ADARB2: variants seen among roughly 807,000 people sequenced by gnomAD.
The protein encoded by ADARB2 is inactive double-stranded RNA-specific editase B2.
A neutral mutation model predicts 62.2 loss-of-function variants in ADARB2; 25 were observed. The observed-to-expected ratio is 0.40, with a 90% CI of 0.29 to 0.56. The LOEUF (loss-of-function observed/expected upper bound fraction) is 0.56. Among genes scored for constraint, ADARB2 ranks in the 20% least tolerant of loss-of-function variants. ADARB2 has a pLI of 0.43. For missense variants in ADARB2, 1,071 were observed against 1,077.4 expected (o/e 0.99, Z 0.08); for synonymous variants, 572 against 500.8 (o/e 1.14, Z -1.90).
intron 3 of ADARB2, among the ~76,000 whole-genome samples, chr10:1,348,252 A>C (rs1832099553): frequency 6.6e-6 from 1 of 152,158 alleles, no homozygotes; most frequent in African/African-American, 2.4e-5. Context: ...AAACTGTCTG[A>C]TGTCTCTAAA....
intron 1 of ADARB2, among the ~76,000 whole-genome samples, chr10:1,469,657 A>C (rs1831297116): frequency 6.6e-6 from 1 of 152,218 alleles, no homozygotes; most frequent in African/African-American, 2.4e-5. Context: ...AGGAGAGAAC[A>C]AAAAAGAAAA....
chr10:1,539,024 T>C (rs1832373409), intron 1 of ADARB2, among the ~76,000 whole-genome samples: 1 of 152,120 alleles, frequency 6.6e-6, no homozygotes, highest in African/African-American at 2.4e-5. Context: ...CCTGCCTGGC[T>C]CCACACAGCA....
chr10:1,446,168 T>C (rs1830966473), intron 1 of ADARB2, among the ~76,000 whole-genome samples: 1 of 152,254 alleles, frequency 6.6e-6, no homozygotes, highest in Non-Finnish European at 1.5e-5. Flanking sequence ...TTCCACTTTC[T>C]GGACAAAATT....
chr10:1,258,329 G>A (rs1455106669), intron 4 of ADARB2, among the ~76,000 whole-genome samples: 1 of 152,092 alleles, frequency 6.6e-6, no homozygotes, highest in Non-Finnish European at 1.5e-5. Flanking sequence ...AAATGTAAAT[G>A]GGCTAAATGC....
chr10:1,276,358 G>T (rs1314396304), intron 3 of ADARB2, among the ~76,000 whole-genome samples: 3 of 151,778 alleles, frequency 2.0e-5, no homozygotes, highest in Admixed American at 6.6e-5. Flanking sequence ...GGGGCTGTTT[G>T]TTTTTTTTCT....
At chr10:1,567,401 G>T (rs1832873082) in intron 1 of ADARB2, among the ~76,000 whole-genome samples, 1 of 152,204 alleles carries the variant, frequency 6.6e-6, no homozygotes, top group Admixed American at 6.5e-5. Flanking sequence ...GTGGGTGTTG[G>T]CTTTAGCATG....
At chr10:1,559,560 C>T (rs779302372) in intron 1 of ADARB2, among the ~76,000 whole-genome samples, 17 of 152,104 alleles carry the variant, frequency 1.1e-4, no homozygotes, top group Non-Finnish European at 1.2e-4. Flanking sequence ...GGGATGGGTG[C>T]TGACAAGCAG....
At chr10:1,417,459 T>C (rs1419917026) in intron 1 of ADARB2, among the ~76,000 whole-genome samples, 1 of 152,168 alleles carries the variant, frequency 6.6e-6, no homozygotes, top group African/African-American at 2.4e-5. Flanking sequence ...ATTAATTATC[T>C]TACTGACTCA....
chr10:1,279,329 ATT>A (rs774437415), intron 3 of ADARB2, among the ~76,000 whole-genome samples: 3 of 152,062 alleles, frequency 2.0e-5, no homozygotes, highest in Non-Finnish European at 2.9e-5. Context: ...TGTCTGTTTG[ATT>A]TTGAGACATA....
intron 1 of ADARB2, among the ~76,000 whole-genome samples, chr10:1,560,825 G>A (rs1246764379): frequency 6.6e-6 from 1 of 152,212 alleles, no homozygotes; most frequent in African/African-American, 2.4e-5. Flanking sequence ...GTTGCAGGGA[G>A]TTTGAAGACC....
intron 3 of ADARB2, among the ~76,000 whole-genome samples, chr10:1,355,930 A>G (rs2131846531): frequency 6.6e-6 from 1 of 152,336 alleles, no homozygotes; most frequent in Middle Eastern, 3.4e-3. Context: ...CATACATTGT[A>G]TATACATTGT....
In ADARB2 at chr10:1,318,456, C is replaced by T. The variant is rs1831761896; in HGVS notation, c.1077+44572G>A. ...GGAAAGCCAGACCATTTGCTAGAAA[C>T]AAGCAGTACCATTTGCACTCCTGGT... On this transcript the variant is annotated intron_variant, in intron 3 of 9. Coordinates refer to ENST00000381312, the MANE Select transcript of ADARB2 (RefSeq NM_018702.4). Among the ~76,000 whole-genome samples, 3 of 152,178 alleles carry T rather than the reference C, an allele frequency of 2.0e-5. No homozygotes were observed. In the South Asian group the frequency reaches 6.2e-4, roughly 31 times the overall value.
chr10:1,459,303 G>A (rs1033145816), intron 1 of ADARB2, among the ~76,000 whole-genome samples: 2 of 152,162 alleles, frequency 1.3e-5, no homozygotes, highest in South Asian at 2.1e-4. Flanking sequence ...GACTGGATAC[G>A]GAACATGTGG....
At chr10:1,550,693 T>G (rs1286839728) in intron 1 of ADARB2, among the ~76,000 whole-genome samples, 2 of 152,112 alleles carry the variant, frequency 1.3e-5, no homozygotes, top group Non-Finnish European at 2.9e-5. Flanking sequence ...TGGAATTTGT[T>G]AGGGTCGTGG....
At chr10:1,195,134 G>C (rs964888364) in intron 8 of ADARB2, among the ~76,000 whole-genome samples, 1 of 152,150 alleles carries the variant, frequency 6.6e-6, no homozygotes, top group Non-Finnish European at 1.5e-5. Context: ...CAGCCCTTCA[G>C]CTTCTCAGGG....
intron 8 of ADARB2, among the ~76,000 whole-genome samples, chr10:1,194,704 T>C (rs1239358993): frequency 1.3e-5 from 2 of 152,230 alleles, no homozygotes; most frequent in Non-Finnish European, 2.9e-5. Context: ...AAACAAATTA[T>C]TTTATTTTCT....
intron 3 of ADARB2, among the ~76,000 whole-genome samples, chr10:1,330,166 T>G (rs183012441): frequency 1.4e-3 from 212 of 152,132 alleles, no homozygotes; most frequent in Non-Finnish European, 2.4e-3. Context: ...TGAGTCAGGG[T>G]CGATTCAGCC....
chr10:1,447,402 C>T (rs1830983097), intron 1 of ADARB2, among the ~76,000 whole-genome samples: 1 of 152,138 alleles, frequency 6.6e-6, no homozygotes, highest in South Asian at 2.1e-4. Flanking sequence ...CAGGTAACAA[C>T]CAACCTGGCT....
At chr10:1,724,756 C>A (rs1309441386) in intron 1 of ADARB2, among the ~76,000 whole-genome samples, 2 of 152,176 alleles carry the variant, frequency 1.3e-5, no homozygotes, top group African/African-American at 4.8e-5. Flanking sequence ...CCACGTCTAC[C>A]CTTTGTGGGA....
Sources: gnomAD v4.1 joint callset for allele counts (sites outside exome capture counted in the v4.1 genomes callset) on GRCh38, gnomAD v4.1.1 for gene constraint, MANE v1.5 for transcripts, NCBI Gene and HGNC (gene_info 2026-07-23, HGNC 2026-07-21) for gene names.